Variants in TENM3 observed in about 807,000 individuals in gnomAD.
The protein encoded by TENM3 is teneurin-3.
In TENM3, 63 loss-of-function variants were observed where a neutral mutation model predicts 255.1. The observed-to-expected ratio is 0.25, with a 90% CI of 0.20 to 0.30. TENM3 has a LOEUF of 0.30. TENM3 is among the 10% of genes least tolerant of loss of function. The pLI, the probability that TENM3 is intolerant of heterozygous loss-of-function variation, is 1.00. For missense variants in TENM3, 2,929 were observed against 3,461.1 expected (o/e 0.85, Z 3.86); for synonymous variants, 1,306 against 1,322.3 (o/e 0.99, Z 0.27).
the TENM3 span, among the ~76,000 whole-genome samples, chr4:181,708,311 T>G: frequency 1.3e-5 from 2 of 152,330 alleles, no homozygotes; most frequent in South Asian, 2.1e-4. Context: ...TCTTAAATGA[T>G]ATAATAATTT....
the TENM3 span, among the ~76,000 whole-genome samples, chr4:181,676,527 C>G: frequency 1.3e-5 from 2 of 151,986 alleles, no homozygotes; most frequent in Admixed American, 6.6e-5. Flanking sequence ...CCCCTCCTCT[C>G]CCTCTCCTCT....
In TENM3 at chr4:182,653,732, G is replaced by A. The variant is rs141254277; in HGVS notation, c.989-39G>A. ...TTAGCAATTGCCGTTGTAGCTGAAG[G>A]CAGCAGATCTTTAAACAACTTGTGT... is the stretch of plus-strand genomic sequence containing the variant. On this transcript the variant is annotated intron_variant, in intron 5 of 27. Transcript: ENST00000511685. The A allele has an allele frequency of 1.9e-4, 296 of 1,555,950 alleles. 1 individual carries two copies. The East Asian group carries it at 6.9e-3, about 36-fold the overall frequency.
At chr4:181,787,693 C>A in the TENM3 span, among the ~76,000 whole-genome samples, 1 of 152,082 alleles carries the variant, frequency 6.6e-6, no homozygotes, top group South Asian at 2.1e-4. Context: ...CCGAGCCTCA[C>A]TATTTTAACC....
chr4:181,994,495 TTGTTTTG>T, the TENM3 span, among the ~76,000 whole-genome samples: 2 of 152,058 alleles, frequency 1.3e-5, no homozygotes, highest in Non-Finnish European at 1.5e-5. Context: ...TCAGCTTCTA[TTGTTTTG>T]TTTTCTTTTA....
At chr4:181,595,430 C>CAAAAAA in the TENM3 span, among the ~76,000 whole-genome samples, 4 of 41,826 alleles carry the variant, frequency 9.6e-5, no homozygotes, top group East Asian at 1.9e-3. Context: ...GACTCCATCC[C>CAAAAAA]AAAAAAAAAA....
intron 3 of TENM3, among the ~76,000 whole-genome samples, chr4:182,361,900 G>T (rs1052329070): frequency 1.2e-4 from 18 of 152,146 alleles, no homozygotes; most frequent in Admixed American, 1.0e-3. Context: ...TTTTTGGTGT[G>T]GATGTCCTTT....
At chr4:181,679,680 C>G in the TENM3 span, among the ~76,000 whole-genome samples, 1 of 152,100 alleles carries the variant, frequency 6.6e-6, no homozygotes. Flanking sequence ...ATTTAATTCA[C>G]TTTAAAAGTG....
chr4:182,572,577 A>G (rs1210669474), intron 3 of TENM3, among the ~76,000 whole-genome samples: 2 of 152,158 alleles, frequency 1.3e-5, no homozygotes, highest in South Asian at 2.1e-4. Flanking sequence ...TGAGAAACCT[A>G]CTCATTCACA....
At chr4:182,310,973 G>A (rs1243566149) in intron 1 of TENM3, among the ~76,000 whole-genome samples, 1 of 152,170 alleles carries the variant, frequency 6.6e-6, no homozygotes, top group Non-Finnish European at 1.5e-5. Flanking sequence ...GCCTCCCAAA[G>A]TACTGGGATT....
chr4:182,769,939 T>C (rs536662295), intron 22 of TENM3, among the ~76,000 whole-genome samples: 2 of 150,956 alleles, frequency 1.3e-5, no homozygotes, highest in South Asian at 4.2e-4. Flanking sequence ...ATCCCGTATC[T>C]ACTAAAAAAT....
At chr4:182,377,697 G>A (rs1181802170) in intron 3 of TENM3, among the ~76,000 whole-genome samples, 1 of 152,136 alleles carries the variant, frequency 6.6e-6, no homozygotes, top group South Asian at 2.1e-4. Context: ...AACAAATCAT[G>A]TATATAGATC....
At chr4:182,550,012 A>G (rs1741842287) in intron 3 of TENM3, among the ~76,000 whole-genome samples, 1 of 152,222 alleles carries the variant, frequency 6.6e-6, no homozygotes, top group Non-Finnish European at 1.5e-5. Context: ...TATGTATTGG[A>G]GTCTTACTTG....
rs1005976386 is a variant in TENM3 at position 182,680,631 on chromosome 4, T to C, written c.1728T>C (p.Asp576=). The change falls in exon 10 of 28, where the codon GAT becomes GAC. Residue 576 remains aspartate, a synonymous_variant. Coordinates refer to ENST00000511685, the MANE Select transcript of TENM3 (RefSeq NM_001080477.4). ...CFSGWKGTEC[D]VPTTQCIDPQ... ...GCGGCTGGAAGGGCACCGAGTGTGATGTGCCGACTACCCAGTGTATTGACC... is the reference window on the plus strand; with the variant it reads ...GCGGCTGGAAGGGCACCGAGTGTGACGTGCCGACTACCCAGTGTATTGACC... 3.7e-6 allele frequency: 6 copies of C among 1,613,490 alleles called. No homozygotes were observed. The African/African-American group carries it at 6.7e-5, about 18-fold the overall frequency.
At chr4:182,359,862 C>T (rs1340468438) in intron 3 of TENM3, among the ~76,000 whole-genome samples, 1 of 150,666 alleles carries the variant, frequency 6.6e-6, no homozygotes, top group East Asian at 2.0e-4. Flanking sequence ...GCATTTAGTG[C>T]TATAAATTTC....
At chr4:181,732,695 A>C in the TENM3 span, among the ~76,000 whole-genome samples, 68 of 152,078 alleles carry the variant, frequency 4.5e-4, no homozygotes, top group Non-Finnish European at 8.1e-4. Flanking sequence ...AACCAAGAAA[A>C]GAAGGGCAAA....
chr4:182,022,165 T>C, the TENM3 span, among the ~76,000 whole-genome samples: 177 of 101,734 alleles, frequency 1.7e-3, 1 homozygote, highest in African/African-American at 7.0e-3. Flanking sequence ...CAATGGTGGA[T>C]TGGATAAAAA....
intron 2 of TENM3, among the ~76,000 whole-genome samples, chr4:182,334,286 A>T (rs1045807123): frequency 6.6e-6 from 1 of 152,174 alleles, no homozygotes; most frequent in Non-Finnish European, 1.5e-5. Context: ...AAAACGTAAA[A>T]CAGGACCTAA....
At chr4:181,710,679 G>T in the TENM3 span, among the ~76,000 whole-genome samples, 1 of 151,912 alleles carries the variant, frequency 6.6e-6, no homozygotes, top group Non-Finnish European at 1.5e-5. Flanking sequence ...CTGAGATCTC[G>T]CCACTGTACC....
At chr4:181,788,823 G>A in the TENM3 span, among the ~76,000 whole-genome samples, 6 of 152,100 alleles carry the variant, frequency 3.9e-5, no homozygotes, top group Admixed American at 3.9e-4. Context: ...GTCTCAAGCT[G>A]TTGGCCTCAA....
Sources: gnomAD v4.1 joint callset for allele counts (sites outside exome capture counted in the v4.1 genomes callset) on GRCh38, gnomAD v4.1.1 for gene constraint, MANE v1.5 for transcripts, NCBI Gene and HGNC (gene_info 2026-07-23, HGNC 2026-07-21) for gene names.